The following KHDRBS2 variants were observed in gnomAD, a reference collection of about 807,000 sequenced individuals.
KHDRBS2 encodes KH domain-containing, RNA-binding, signal transduction-associated protein 2.
Under a neutral mutation model 44.3 loss-of-function variants are expected in KHDRBS2, and 26 were observed. That is an observed-to-expected ratio of 0.59 (90% CI 0.43 to 0.81). The LOEUF is 0.81. Among genes scored for constraint, KHDRBS2 ranks in the 40% least tolerant of loss-of-function variants. The pLI, the probability that KHDRBS2 is intolerant of heterozygous loss-of-function variation, is 0.00. For missense variants in KHDRBS2, 476 were observed against 433.1 expected (o/e 1.10, Z -0.88); for synonymous variants, 194 against 151.1 (o/e 1.28, Z -2.08).
Position 61,869,964 on chromosome 6 carries a change from G to GTTTTTTTTTTTTTTTTTTTTTTTTT in KHDRBS2, c.810+24670_810+24671insAAAAAAAAAAAAAAAAAAAAAAAAA, listed in dbSNP as rs59518436. On this transcript the variant is annotated intron_variant, in intron 6 of 8. Coordinates refer to ENST00000281156, the MANE Select transcript of KHDRBS2 (RefSeq NM_152688.4). ...TAGACACCGAACTAGCTGCAGGAGT[G>GTTTTTTTTTTTTTTTTTTTTTTTTT]TTTTTTTTTTTTTTTTTTTTTTTCC... 2.4e-4 allele frequency among the ~76,000 whole-genome samples: 26 copies of GTTTTTTTTTTTTTTTTTTTTTTTTT among 109,010 alleles called. 2 individuals are homozygous for GTTTTTTTTTTTTTTTTTTTTTTTTT. The highest frequency in any genetic ancestry group is 7.6e-4 in the African/African-American group (20 of 26,416). The allele number at this position is 109,010 out of a possible 152,430, so 71.5% of individuals were successfully genotyped here. A position where few individuals can be genotyped will look rare whatever the true frequency, so the allele number is the denominator to read the frequency against.
chr6:62,017,450 A>T (rs1781409617), intron 3 of KHDRBS2, among the ~76,000 whole-genome samples: 2 of 152,136 alleles, frequency 1.3e-5, no homozygotes, highest in Non-Finnish European at 1.5e-5. Context: ...TTGCAAACTA[A>T]TAGGGTTGTT....
At chr6:61,880,657 A>G (rs1184816852) in intron 6 of KHDRBS2, among the ~76,000 whole-genome samples, 1 of 151,920 alleles carries the variant, frequency 6.6e-6, no homozygotes. Flanking sequence ...GTTCCTGCTT[A>G]ATGAGTAAGG....
chr6:61,955,689 C>G lies in KHDRBS2; in HGVS notation c.483+22377G>C, dbSNP rs538810991. Reference sequence around the variant, plus strand: ...GTATATGTACACATATGTATGTATACATATATGTGTATATATACACATATG... The same window carrying G: ...GTATATGTACACATATGTATGTATAGATATATGTGTATATATACACATATG... On this transcript the variant is annotated intron_variant, in intron 4 of 8. Coordinates refer to ENST00000281156, the MANE Select transcript of KHDRBS2 (RefSeq NM_152688.4). 7.3e-3 allele frequency among the ~76,000 whole-genome samples: 819 copies of G among 112,954 alleles called. 6 individuals are homozygous for G. The highest frequency in any genetic ancestry group is 0.016 in the Middle Eastern group (3 of 192). 74.1% of individuals were successfully genotyped at this position (112,954 alleles called of 152,430 possible).
chr6:61,653,897 CA>C, the KHDRBS2 span, among the ~76,000 whole-genome samples: 124,340 of 151,978 alleles, frequency 0.82, 51,306 homozygotes, highest in Non-Finnish European at 0.88. Flanking sequence ...AGCAAGATCG[CA>C]ATGTTTCAAC....
chr6:61,993,536 C>T (rs1776539457), intron 3 of KHDRBS2, among the ~76,000 whole-genome samples: 1 of 151,124 alleles, frequency 6.6e-6, no homozygotes, highest in Non-Finnish European at 1.5e-5. Flanking sequence ...CTGCTAGCCT[C>T]AAAAGCCAGC....
chr6:61,732,613 T>C, intron 7 of KHDRBS2, 69 bp downstream of exon 7: 1 of 878,914 alleles, frequency 1.1e-6, no homozygotes, highest in Admixed American at 1.9e-5. Flanking sequence ...TAATTGACAT[T>C]CAGATTCAAG....
intron 6 of KHDRBS2, among the ~76,000 whole-genome samples, chr6:61,759,930 G>A (rs1240526690): frequency 6.6e-6 from 1 of 152,120 alleles, no homozygotes; most frequent in African/African-American, 2.4e-5. Context: ...CTTTCTTAAA[G>A]GTCTGAGCCT....
intron 1 of KHDRBS2, among the ~76,000 whole-genome samples, chr6:62,246,751 T>A (rs562177190): frequency 6.6e-6 from 1 of 152,000 alleles, no homozygotes; most frequent in Admixed American, 6.6e-5. Context: ...TTTCCTAATT[T>A]GGTAAGTCAA....
At chr6:62,255,605 AACACAC>A (rs60498757) in intron 1 of KHDRBS2, among the ~76,000 whole-genome samples, 26,673 of 137,114 alleles carry the variant, frequency 0.19, 3,157 homozygotes, top group African/African-American at 0.35. Context: ...CATGCTTTAA[AACACAC>A]ACACACACAC....
chr6:62,099,856 ATGT>A (rs1281736116), intron 2 of KHDRBS2, among the ~76,000 whole-genome samples: 2 of 152,194 alleles, frequency 1.3e-5, no homozygotes, highest in African/African-American at 4.8e-5. Flanking sequence ...GGGGATATTA[ATGT>A]TGTTGTAATG....
chr6:62,132,721 G>C (rs1280909830), intron 2 of KHDRBS2, among the ~76,000 whole-genome samples: 1 of 152,062 alleles, frequency 6.6e-6, no homozygotes, highest in African/African-American at 2.4e-5. Context: ...ATAAAACATG[G>C]CATTATTATT....
chr6:61,750,752 G>GA (rs940051448), intron 6 of KHDRBS2, among the ~76,000 whole-genome samples: 4 of 109,720 alleles, frequency 3.6e-5, no homozygotes, highest in African/African-American at 1.4e-4. Flanking sequence ...TATGACCAGA[G>GA]AAAAAAGTAA....
intron 7 of KHDRBS2, among the ~76,000 whole-genome samples, chr6:61,704,666 G>T (rs1383863151): frequency 6.6e-6 from 1 of 151,828 alleles, no homozygotes; most frequent in African/African-American, 2.4e-5. Context: ...AGGGAAGCAT[G>T]ATTATATTTT....
At chr6:61,557,085 C>T in the KHDRBS2 span, among the ~76,000 whole-genome samples, 1 of 151,856 alleles carries the variant, frequency 6.6e-6, no homozygotes, top group Non-Finnish European at 1.5e-5. Context: ...AATACTTTTG[C>T]CCTCATGTAC....
intron 4 of KHDRBS2, among the ~76,000 whole-genome samples, chr6:61,969,661 A>G (rs1583865113): frequency 6.6e-6 from 1 of 151,734 alleles, no homozygotes; most frequent in Non-Finnish European, 1.5e-5. Context: ...AGGAATAAAA[A>G]GAAAAGAACA....
At chr6:61,738,807 T>C (rs899876570) in intron 6 of KHDRBS2, among the ~76,000 whole-genome samples, 33 of 151,966 alleles carry the variant, frequency 2.2e-4, no homozygotes, top group African/African-American at 7.7e-4. Context: ...TGAACTATGA[T>C]TTCTATTCCA....
intron 3 of KHDRBS2, among the ~76,000 whole-genome samples, chr6:62,033,625 G>C (rs377611369): frequency 6.2e-4 from 94 of 150,426 alleles, no homozygotes; most frequent in African/African-American, 2.1e-3. Context: ...TATATATCCA[G>C]ATATATATAT....
At chr6:62,268,802 T>C (rs1839617537) in intron 1 of KHDRBS2, among the ~76,000 whole-genome samples, 1 of 151,992 alleles carries the variant, frequency 6.6e-6, no homozygotes, top group Admixed American at 6.6e-5. Context: ...AAGTAGAGTA[T>C]AAACAAATAC....
At chr6:62,071,940 C>CA (rs1795217381) in intron 2 of KHDRBS2, among the ~76,000 whole-genome samples, 1 of 152,108 alleles carries the variant, frequency 6.6e-6, no homozygotes, top group Non-Finnish European at 1.5e-5. Context: ...ACAGTATGGC[C>CA]ATTTTCATGA....
Sources: gnomAD v4.1 joint callset for allele counts (sites outside exome capture counted in the v4.1 genomes callset) on GRCh38, gnomAD v4.1.1 for gene constraint, MANE v1.5 for transcripts, NCBI Gene and HGNC (gene_info 2026-07-23, HGNC 2026-07-21) for gene names.